The following SLC2A9 variants were observed in gnomAD, a reference collection of about 807,000 sequenced individuals.
SLC2A9 encodes solute carrier family 2 member 9.
In SLC2A9, 39 loss-of-function variants were observed where a neutral mutation model predicts 50.6. That is an observed-to-expected ratio of 0.77 (90% CI 0.60 to 1.01). The LOEUF is 1.01. SLC2A9 is among the 50% of genes least tolerant of loss of function. The pLI, the probability that SLC2A9 is intolerant of heterozygous loss-of-function variation, is 0.00. For missense variants in SLC2A9, 686 were observed against 677.6 expected (o/e 1.01, Z -0.14); for synonymous variants, 324 against 276.9 (o/e 1.17, Z -1.69).
chr4:9,814,072 G>A (rs748392799), intron 3 of SLC2A9, among the ~76,000 whole-genome samples: 17 of 152,202 alleles, frequency 1.1e-4, no homozygotes, highest in East Asian at 1.9e-4. Flanking sequence ...CCTGAGAGGC[G>A]GAGGTTGCAG....
chr4:9,951,347 TG>T lies in SLC2A9; in HGVS notation c.682-9303del, dbSNP rs570664092. On this transcript the variant is annotated intron_variant, in intron 5 of 11. Coordinates refer to ENST00000264784, the MANE Select transcript of SLC2A9 (RefSeq NM_020041.3). ...AGATAACAGAGACAGAGAAGGGTGG[TG>T]GGGTGAGATAAAGAGAAGCACGCTG... Among the ~76,000 whole-genome samples the T allele has an allele frequency of 1.1e-4, 17 of 152,108 alleles. No homozygotes were observed. The South Asian group carries it at 2.7e-3, about 24-fold the overall frequency.
intron 2 of SLC2A9, among the ~76,000 whole-genome samples, chr4:9,997,767 A>C (rs1234992070): frequency 1.4e-5 from 2 of 146,278 alleles, no homozygotes; most frequent in African/African-American, 5.2e-5. Context: ...CACACAAAAA[A>C]ACTAGCCATA....
intron 1 of SLC2A9, among the ~76,000 whole-genome samples, chr4:9,773,400 G>A (rs1392987517): frequency 6.6e-6 from 1 of 152,186 alleles, no homozygotes; most frequent in Non-Finnish European, 1.5e-5. Context: ...TTTGATATCA[G>A]CAGTGGGTGC....
intron 5 of SLC2A9, among the ~76,000 whole-genome samples, chr4:9,971,768 A>G (rs1212537695): frequency 6.6e-6 from 1 of 152,250 alleles, no homozygotes; most frequent in African/African-American, 2.4e-5. Flanking sequence ...CCCCTGAAAA[A>G]TAAAGCTAAG....
intron 5 of SLC2A9, among the ~76,000 whole-genome samples, chr4:9,971,280 T>G (rs1753877198): frequency 6.6e-6 from 1 of 152,220 alleles, no homozygotes; most frequent in Non-Finnish European, 1.5e-5. Flanking sequence ...CCTAAGTTCA[T>G]GGATCACAAC....
At chr4:9,969,272 C>A (rs1054642275) in intron 5 of SLC2A9, among the ~76,000 whole-genome samples, 13 of 152,010 alleles carry the variant, frequency 8.6e-5, no homozygotes, top group Non-Finnish European at 1.5e-4. Flanking sequence ...CTCTTAAAAT[C>A]TTCTATGTTA....
chr4:9,910,530 T>G (rs1577841523), intron 7 of SLC2A9, among the ~76,000 whole-genome samples: 2 of 152,346 alleles, frequency 1.3e-5, no homozygotes, highest in South Asian at 4.1e-4. Flanking sequence ...AGGGACCCTC[T>G]TAATGCCCTC....
At chr4:9,834,638 G>A (rs563648752) in intron 11 of SLC2A9, among the ~76,000 whole-genome samples, 21 of 152,292 alleles carry the variant, frequency 1.4e-4, no homozygotes, top group Middle Eastern at 3.4e-3. Context: ...CTTGCATACC[G>A]TCAGCAATGG....
At chr4:9,945,725 G>C (rs1016195432) in intron 5 of SLC2A9, among the ~76,000 whole-genome samples, 2 of 152,156 alleles carry the variant, frequency 1.3e-5, no homozygotes, top group Admixed American at 1.3e-4. Context: ...CCAGGCCTAA[G>C]ACCCTCAGTG....
At chr4:9,817,676 G>A (rs1040159497) in intron 3 of SLC2A9, among the ~76,000 whole-genome samples, 1 of 152,132 alleles carries the variant, frequency 6.6e-6, no homozygotes, top group African/African-American at 2.4e-5. Context: ...AAATGAATGG[G>A]ACTTCATTAT....
intron 3 of SLC2A9, among the ~76,000 whole-genome samples, chr4:9,811,100 C>A (rs1187725805): frequency 6.6e-6 from 1 of 152,104 alleles, no homozygotes. Context: ...CATGACCAAG[C>A]TGGCCAATCA....
chr4:10,019,111 G>C (rs1405245531), intron 1 of SLC2A9, 38 bp from the exon 2 acceptor site: 8 of 1,530,636 alleles, frequency 5.2e-6, no homozygotes, highest in African/African-American at 4.1e-5. Flanking sequence ...CCGGCACCGG[G>C]CGCGCAGCCA....
At chr4:10,004,582 C>T (rs1760432936) in intron 2 of SLC2A9, among the ~76,000 whole-genome samples, 1 of 152,220 alleles carries the variant, frequency 6.6e-6, no homozygotes, top group Non-Finnish European at 1.5e-5. Context: ...TGAATGGCTT[C>T]ATGGAGCAGA....
At chr4:9,876,151 G>C (rs1274519174) in intron 10 of SLC2A9, among the ~76,000 whole-genome samples, 1 of 152,194 alleles carries the variant, frequency 6.6e-6, no homozygotes, top group Non-Finnish European at 1.5e-5. Flanking sequence ...TTACTTCTTA[G>C]TGTTTATATT....
At chr4:9,920,286 T>G (rs1046226635) in intron 7 of SLC2A9, 99 bp downstream of exon 7, 174 of 1,300,466 alleles carry the variant, frequency 1.3e-4, no homozygotes, top group Non-Finnish European at 1.7e-4. Flanking sequence ...ATGACAGAAC[T>G]GAGATTTGAA....
chr4:9,982,381 G>A (rs952425166), intron 4 of SLC2A9, among the ~76,000 whole-genome samples: 2 of 152,180 alleles, frequency 1.3e-5, no homozygotes, highest in Non-Finnish European at 2.9e-5. Context: ...CGGAAAGACC[G>A]AAGTTTTTTC....
intron 7 of SLC2A9, among the ~76,000 whole-genome samples, chr4:9,911,771 T>C (rs1366915921): frequency 2.0e-5 from 3 of 152,172 alleles, no homozygotes; most frequent in African/African-American, 7.2e-5. Context: ...AAAGAAATCA[T>C]CCAGGACAGC....
At chr4:10,021,012 G>C (rs1763443916) in intron 1 of SLC2A9, among the ~76,000 whole-genome samples, 1 of 152,212 alleles carries the variant, frequency 6.6e-6, no homozygotes, top group Non-Finnish European at 1.5e-5. Context: ...CAAGTGCGGG[G>C]CAGGGCAGCC....
downstream of SLC2A9, among the ~76,000 whole-genome samples, chr4:9,824,006 C>T (rs1347311165): frequency 6.6e-6 from 1 of 152,110 alleles, no homozygotes; most frequent in Non-Finnish European, 1.5e-5. Flanking sequence ...GTTTGAATGT[C>T]CCCTCTAAAA....
Sources: allele counts gnomAD v4.1 joint callset (sites outside exome capture counted in the v4.1 genomes callset), GRCh38; gene constraint gnomAD v4.1.1; transcripts MANE v1.5; gene names NCBI Gene and HGNC (gene_info 2026-07-23, HGNC 2026-07-21).